Variants in SEPTIN10 observed in about 807,000 individuals in gnomAD.
SEPTIN10 encodes the protein septin 10.
In SEPTIN10, 66 loss-of-function variants were observed where a neutral mutation model predicts 54.8. The observed-to-expected ratio is 1.21, with a 90% CI of 0.99 to 1.48. SEPTIN10 has a LOEUF of 1.48. Among genes scored for constraint, SEPTIN10 ranks in the 40% most tolerant of loss-of-function variants. The probability of loss-of-function intolerance (pLI) is 0.00; values close to 1 mark genes in which losing one functional copy is unlikely to be tolerated. For missense variants in SEPTIN10, 620 were observed against 545.6 expected, an observed-to-expected ratio of 1.14 and a Z score of -1.36; for synonymous variants, 161 against 181.0, an observed-to-expected ratio of 0.89 and a Z score of 0.89.
intron 1 of SEPTIN10, 29 bp from the exon 2 acceptor site, chr2:109,593,148 G>A: frequency 6.8e-7 from 1 of 1,476,792 alleles, no homozygotes; most frequent in Non-Finnish European, 9.3e-7. Context: ...GGCTTAAAAG[G>A]AAACAGAAAC....
chr2:109,580,051 A>G (rs1241230084), intron 4 of SEPTIN10, among the ~76,000 whole-genome samples: 1 of 151,930 alleles, frequency 6.6e-6, no homozygotes, highest in Admixed American at 6.6e-5. Flanking sequence ...AACCTGAGAG[A>G]TGGAGGTTGC....
chr2:109,553,853 CAA>C (rs796185454), intron 8 of SEPTIN10, among the ~76,000 whole-genome samples: 20 of 105,416 alleles, frequency 1.9e-4, no homozygotes, highest in African/African-American at 1.4e-4. Context: ...GACTCTGTCT[CAA>C]AAAAAAAAAA....
At chr2:109,595,442 C>T (rs935159278) in intron 1 of SEPTIN10, among the ~76,000 whole-genome samples, 1 of 152,144 alleles carries the variant, frequency 6.6e-6, no homozygotes, top group Non-Finnish European at 1.5e-5. Context: ...TGAAAGGCCC[C>T]CCAGTCCCAG....
At chr2:109,598,887 A>G (rs1695922130) in intron 1 of SEPTIN10, among the ~76,000 whole-genome samples, 1 of 152,146 alleles carries the variant, frequency 6.6e-6, no homozygotes, top group East Asian at 1.9e-4. Flanking sequence ...CTCAAAAAAA[A>G]ATAAAAATAA....
intron 3 of SEPTIN10, among the ~76,000 whole-genome samples, 170 bp downstream of exon 3, chr2:109,585,551 A>G (rs1217882479): frequency 6.6e-6 from 1 of 152,240 alleles, no homozygotes; most frequent in Non-Finnish European, 1.5e-5. Context: ...TAACAAGCCA[A>G]AAGCTTAAAG....
Position 109,585,786 on chromosome 2 carries a change from C to T in SEPTIN10, c.152G>A (p.Ser51Asn). ...LTMSGHVGFE[S>N]LPDQLVNRSI... ...TCTGTTCACCAGCTGATCAGGCAAACTCTCAAAACCAACATGGCCAGACAT... is the reference window on the plus strand; with the variant it reads ...TCTGTTCACCAGCTGATCAGGCAAATTCTCAAAACCAACATGGCCAGACAT... The change falls in exon 3 of 11, where the codon AGT becomes AAT. Residue 51 changes from serine to asparagine, a missense_variant. Physicochemically the swap from Ser to Asn is conservative, Grantham distance 46 (BLOSUM62 1). Coordinates refer to ENST00000397712, the MANE Select transcript of SEPTIN10 (RefSeq NM_144710.5). 1 of 1,613,996 alleles carries T rather than the reference C, an allele frequency of 6.2e-7. No individual in the cohort carries two copies. Among genetic ancestry groups the T allele is most frequent in the Non-Finnish European group, 8.5e-7 (1 of 1,179,966 alleles).
At chr2:109,547,460 A>G (rs1681587008) in intron 9 of SEPTIN10, among the ~76,000 whole-genome samples, 1 of 151,816 alleles carries the variant, frequency 6.6e-6, no homozygotes, top group Non-Finnish European at 1.5e-5. Flanking sequence ...CAACTGTTAA[A>G]TGAGTTTCAA....
At chr2:109,602,592 T>C (rs1405567489) in intron 1 of SEPTIN10, among the ~76,000 whole-genome samples, 12 of 151,360 alleles carry the variant, frequency 7.9e-5, no homozygotes, top group African/African-American at 2.9e-4. Context: ...GGAGAATCGC[T>C]TGAACCTGGG....
At position 109,609,615 on chromosome 2, in the gene SEPTIN10, CAA is replaced by C. The variant is rs59667245; in HGVS notation, c.30+4181_30+4182del. Reference sequence around the variant, plus strand: ...TGGGTGACAGAGCAAGACTCCGCCTCAAAAAAAAAAAAAAAAAAAGATCAAGA... The same window carrying C: ...TGGGTGACAGAGCAAGACTCCGCCTCAAAAAAAAAAAAAAAAAGATCAAGA... On this transcript the variant is annotated intron_variant, in intron 1 of 10. Transcript: ENST00000397712. 2.9e-3 allele frequency among the ~76,000 whole-genome samples: 288 copies of C among 97,916 alleles called. 2 individuals carry two copies. Among genetic ancestry groups the C allele is most frequent in the African/African-American group, 7.3e-3 (187 of 25,690 alleles). The allele number at this position is 97,916 out of a possible 152,430, so 64.2% of individuals were successfully genotyped here. A position where few individuals can be genotyped will look rare whatever the true frequency, so the allele number is the denominator to read the frequency against.
At chr2:109,545,523 C>G (rs532611623) in intron 10 of SEPTIN10, 1 of 1,535,988 alleles carries the variant, frequency 6.5e-7, no homozygotes, top group Non-Finnish European at 8.7e-7. Flanking sequence ...CACAGGAGTT[C>G]GAATCGACAG....
At chr2:109,579,003 T>C (rs1188828960) in intron 4 of SEPTIN10, among the ~76,000 whole-genome samples, 1 of 152,158 alleles carries the variant, frequency 6.6e-6, no homozygotes, top group African/African-American at 2.4e-5. Flanking sequence ...ATTTGGTATT[T>C]GAAAAGATTA....
In SEPTIN10 at chr2:109,544,250, G is replaced by GTT; in HGVS notation, c.*57_*58dup. The GTT allele has an allele frequency of 1.3e-6, 2 of 1,597,056 alleles. No individual in the cohort carries two copies. The highest frequency in any genetic ancestry group is 1.7e-4 in the Middle Eastern group (1 of 6,016). On this transcript the variant is annotated 3_prime_UTR_variant, in exon 11 of 11. Coordinates refer to ENST00000397712, the MANE Select transcript of SEPTIN10 (RefSeq NM_144710.5). The stretch of plus-strand genomic sequence containing the variant: ...ACAGCAAAATCAAAGCACACTTCTA[G>GTT]TTTTTTTTTAATAAAGTTTGCTTGT...
chr2:109,551,599 G>A (rs926630693), intron 9 of SEPTIN10, among the ~76,000 whole-genome samples: 4 of 152,160 alleles, frequency 2.6e-5, no homozygotes, highest in African/African-American at 9.7e-5. Flanking sequence ...CTTAGGTAAG[G>A]GGAAGGACAT....
chr2:109,586,166 T>C (rs949696994), intron 2 of SEPTIN10, among the ~76,000 whole-genome samples: 4 of 152,084 alleles, frequency 2.6e-5, no homozygotes, highest in Admixed American at 6.5e-5. Context: ...TTGTTTATGA[T>C]AAAAACTTAG....
chr2:109,603,855 G>A (rs1489966942), intron 1 of SEPTIN10, among the ~76,000 whole-genome samples: 1 of 151,976 alleles, frequency 6.6e-6, no homozygotes, highest in Non-Finnish European at 1.5e-5. Flanking sequence ...CCAATATGGT[G>A]AAACCGTCTC....
chr2:109,599,252 G>A (rs1696031063), intron 1 of SEPTIN10, among the ~76,000 whole-genome samples: 1 of 152,032 alleles, frequency 6.6e-6, no homozygotes, highest in South Asian at 2.1e-4. Context: ...GAGGTCAGGA[G>A]TTTGAGACCA....
In SEPTIN10 at chr2:109,588,647, C is replaced by T. The variant is rs554426551; in HGVS notation, c.100-2809G>A. 1.2e-4 allele frequency among the ~76,000 whole-genome samples: 19 copies of T among 152,048 alleles called. No individual in the cohort carries two copies. In the South Asian group the frequency reaches 3.9e-3, roughly 32 times the overall value. On this transcript the variant is annotated intron_variant, in intron 2 of 10. Coordinates refer to ENST00000397712, the MANE Select transcript of SEPTIN10 (RefSeq NM_144710.5). The stretch of plus-strand genomic sequence containing the variant: ...TAGCTGGGATAATAGGCGCCCACCA[C>T]GCCTGGCTAATTTTTGTATTTTTAA...
chr2:109,552,302 C>A (rs369359505), intron 9 of SEPTIN10, among the ~76,000 whole-genome samples: 1 of 152,158 alleles, frequency 6.6e-6, no homozygotes, highest in Non-Finnish European at 1.5e-5. Flanking sequence ...AGACTGAGTT[C>A]AAATGGAAAG....
chr2:109,597,581 G>A (rs1480604788), intron 1 of SEPTIN10, among the ~76,000 whole-genome samples: 2 of 152,138 alleles, frequency 1.3e-5, no homozygotes, highest in Non-Finnish European at 2.9e-5. Context: ...TGACTACACA[G>A]TCAATTTGCT....
Sources: allele counts gnomAD v4.1 joint callset (sites outside exome capture counted in the v4.1 genomes callset), GRCh38; gene constraint gnomAD v4.1.1; transcripts MANE v1.5; gene names NCBI Gene and HGNC (gene_info 2026-07-23, HGNC 2026-07-21).